DNAH11: variants seen among roughly 807,000 people sequenced by gnomAD.
The protein encoded by DNAH11 is dynein axonemal heavy chain 11.
DNAH11 carries 442 observed loss-of-function variants against 526.0 expected under a neutral mutation model. The ratio of observed to expected loss-of-function variants is 0.84; its 90% CI spans 0.78 to 0.91. The LOEUF is 0.91. DNAH11 is among the 40% of genes least tolerant of loss of function. DNAH11 has a pLI of 0.00. For missense variants in DNAH11, 6,989 were observed against 5,448.7 expected (o/e 1.28, Z -8.90); for synonymous variants, 2,461 against 1,935.9 (o/e 1.27, Z -7.12).
chr7:21,792,076 TTGAGGTA>T (rs1206483634), intron 61 of DNAH11, among the ~76,000 whole-genome samples: 1 of 152,186 alleles, frequency 6.6e-6, no homozygotes, highest in Non-Finnish European at 1.5e-5. Context: ...CTTTTTTGTG[TTGAGGTA>T]TGTGCCTTCC....
chr7:21,826,801 A>G (rs1790318918), intron 65 of DNAH11, among the ~76,000 whole-genome samples: 1 of 152,140 alleles, frequency 6.6e-6, no homozygotes, highest in African/African-American at 2.4e-5. Context: ...CCTTTGAGAA[A>G]CTCACATCCC....
At chr7:21,820,377 A>G (rs1201749621) in intron 65 of DNAH11, among the ~76,000 whole-genome samples, 2 of 152,210 alleles carry the variant, frequency 1.3e-5, no homozygotes, top group Non-Finnish European at 2.9e-5. Context: ...TGTCAGTTCC[A>G]TAGTGGAGAC....
intron 54 of DNAH11, among the ~76,000 whole-genome samples, chr7:21,760,213 C>T (rs1175907502): frequency 6.6e-6 from 1 of 152,072 alleles, no homozygotes; most frequent in Non-Finnish European, 1.5e-5. Flanking sequence ...GGCTTTTTCC[C>T]CAAATGTCCC....
chr7:21,707,682 T>A lies in DNAH11; in HGVS notation c.6547-17T>A. On this transcript the variant is annotated splice_polypyrimidine_tract_variant and intron_variant, in intron 39 of 81. Transcript: ENST00000409508. Reference sequence around the variant, plus strand: ...TGTTAGTATTAATTTTTTTGGCTCTTTCCTCCTTCCCCTCAGATTTTGAGA... The same window carrying A: ...TGTTAGTATTAATTTTTTTGGCTCTATCCTCCTTCCCCTCAGATTTTGAGA... 1 of 1,601,666 alleles carries A rather than the reference T, an allele frequency of 6.2e-7. No individual in the cohort carries two copies. The highest frequency in any genetic ancestry group is 8.5e-7 in the Non-Finnish European group (1 of 1,176,350).
rs77682376 is a variant in DNAH11 at position 21,587,111 on chromosome 7, C to A, written c.1711-953C>A. On this transcript the variant is annotated intron_variant, in intron 9 of 81. Transcript: ENST00000409508. ...ATACAAATAAATGTTTTGGTTACATCATTTTGCTTGCAAGGAAAGAGCTAT... is the reference window on the plus strand; with the variant it reads ...ATACAAATAAATGTTTTGGTTACATAATTTTGCTTGCAAGGAAAGAGCTAT... 8.2e-4 allele frequency among the ~76,000 whole-genome samples: 125 copies of A among 152,300 alleles called. 2 individuals carry two copies. In the East Asian group the frequency reaches 0.018, roughly 23 times the overall value.
In DNAH11 at chr7:21,698,116, A is replaced by G; in HGVS notation, c.6083A>G (p.Glu2028Gly). 6.2e-7 allele frequency: 1 copy of G among 1,613,538 alleles called. No individual in the cohort carries two copies. Among genetic ancestry groups the G allele is most frequent in the African/African-American group, 1.3e-5 (1 of 75,014 alleles). ...MVAPDIELIC[E>G]ILLVAEGFVD... is the part of the protein sequence containing the mutation. ...GCCCCTGACATTGAGCTAATCTGTG[A>G]AATCTTGTTAGTTGCTGAAGGTTTT... The change falls in exon 36 of 82, where the codon GAA becomes GGA. Residue 2028 changes from glutamate to glycine, a missense_variant. By Grantham distance (98) the Glu-to-Gly change is moderately conservative. Coordinates refer to ENST00000409508, the MANE Select transcript of DNAH11 (RefSeq NM_001277115.2).
intron 72 of DNAH11, among the ~76,000 whole-genome samples, chr7:21,868,277 C>A (rs1166644847): frequency 1.3e-5 from 2 of 152,018 alleles, no homozygotes. Flanking sequence ...GGCAATTTTC[C>A]ACATGCTCAT....
intron 18 of DNAH11, among the ~76,000 whole-genome samples, chr7:21,603,771 T>C (rs987691288): frequency 9.2e-5 from 14 of 152,210 alleles, no homozygotes; most frequent in Non-Finnish European, 1.5e-4. Flanking sequence ...AAGATTTAGA[T>C]ATTCCTTGAA....
intron 65 of DNAH11, among the ~76,000 whole-genome samples, chr7:21,820,626 A>G (rs1286011597): frequency 1.3e-5 from 2 of 152,190 alleles, no homozygotes; most frequent in Admixed American, 6.5e-5. Context: ...GGACTGGGAC[A>G]GATGAGACTG....
At chr7:21,620,881 A>G (rs1194734788) in intron 25 of DNAH11, among the ~76,000 whole-genome samples, 4 of 151,858 alleles carry the variant, frequency 2.6e-5, no homozygotes, top group Non-Finnish European at 4.4e-5. Flanking sequence ...ATGTCCCTAC[A>G]AAGGACATGA....
At chr7:21,858,713 C>T (rs991559936) in intron 68 of DNAH11, among the ~76,000 whole-genome samples, 2 of 151,970 alleles carry the variant, frequency 1.3e-5, no homozygotes, top group Admixed American at 6.6e-5. Context: ...CTGGGGCTGG[C>T]GATGGTGGTG....
At position 21,717,794 on chromosome 7, in the gene DNAH11, G is replaced by C. The variant is rs1258117888; in HGVS notation, c.7003G>C (p.Asp2335His). The C allele has an allele frequency of 6.2e-7, 1 of 1,613,798 alleles. No homozygotes were observed. Among genetic ancestry groups the C allele is most frequent in the Non-Finnish European group, 8.5e-7 (1 of 1,179,804 alleles). The change falls in exon 43 of 82, where the codon GAC becomes CAC. Residue 2335 changes from aspartate (D) to histidine (H), a missense_variant. Physicochemically the swap from Asp to His is moderately conservative, Grantham distance 81. Coordinates refer to ENST00000409508, the MANE Select transcript of DNAH11 (RefSeq NM_001277115.2). ...TTTCAGGTATGTGGCCAGTTGGATAGACAGAAGGCGGCATCAATCAGAAAA... is the reference window on the plus strand; with the variant it reads ...TTTCAGGTATGTGGCCAGTTGGATACACAGAAGGCGGCATCAATCAGAAAA... ...GWNPYVASWI[D>H]RRRHQSEKAN...
At chr7:21,863,197 T>C (rs564123129) in intron 69 of DNAH11, among the ~76,000 whole-genome samples, 1 of 152,332 alleles carries the variant, frequency 6.6e-6, no homozygotes, top group Non-Finnish European at 1.5e-5. Flanking sequence ...TCTTTTTCTA[T>C]CCAAATGTTA....
chr7:21,585,949 A>G (rs1161724635), intron 9 of DNAH11, among the ~76,000 whole-genome samples: 2 of 152,222 alleles, frequency 1.3e-5, no homozygotes, highest in East Asian at 1.9e-4. Flanking sequence ...TCTACTCTTC[A>G]TAAAATAGCT....
chr7:21,900,863 G>A lies in DNAH11; in HGVS notation c.13304-144G>A, dbSNP rs910156524. 26 of 1,367,566 alleles carry A rather than the reference G, an allele frequency of 1.9e-5. No homozygotes were observed. In the Admixed American group the frequency reaches 2.9e-4, roughly 15 times the overall value. 84.7% of individuals were successfully genotyped at this position (1,367,566 alleles called of 1,614,324 possible). A position where few individuals can be genotyped will look rare whatever the true frequency, so the allele number is the denominator to read the frequency against. On this transcript the variant is annotated intron_variant, in intron 81 of 81. Coordinates refer to ENST00000409508, the MANE Select transcript of DNAH11 (RefSeq NM_001277115.2). ...TAACCTACCTTTCAAAGCTCAGTCC[G>A]GCCAGCTCAGTAAAAATACCACTGA...
intron 28 of DNAH11, among the ~76,000 whole-genome samples, chr7:21,641,291 G>C (rs1004404558): frequency 6.6e-6 from 1 of 152,126 alleles, no homozygotes; most frequent in African/African-American, 2.4e-5. Flanking sequence ...CAAAAAAGGC[G>C]GGGGAGATGC....
chr7:21,853,826 T>G (rs1364770335), intron 67 of DNAH11, among the ~76,000 whole-genome samples: 1 of 152,246 alleles, frequency 6.6e-6, no homozygotes, highest in Non-Finnish European at 1.5e-5. Flanking sequence ...AAGTTAGAAT[T>G]AGGCATGAGA....
At chr7:21,832,156 T>C (rs906356592) in intron 65 of DNAH11, among the ~76,000 whole-genome samples, 9 of 152,090 alleles carry the variant, frequency 5.9e-5, no homozygotes, top group African/African-American at 2.2e-4. Context: ...CTTCTTTTAA[T>C]TGGGGCATTT....
intron 61 of DNAH11, among the ~76,000 whole-genome samples, chr7:21,789,824 C>CTTTCTTTCTTT (rs1788384961): frequency 8.7e-5 from 9 of 102,882 alleles, no homozygotes; most frequent in South Asian, 3.0e-4. Context: ...TTCTTTCTTT[C>CTTTCTTTCTTT]TTTCTTTCTT....
Sources: gnomAD v4.1 joint callset for allele counts (sites outside exome capture counted in the v4.1 genomes callset) on GRCh38, gnomAD v4.1.1 for gene constraint, MANE v1.5 for transcripts, NCBI Gene and HGNC (gene_info 2026-07-23, HGNC 2026-07-21) for gene names.